The following MAD1L1 variants were observed in gnomAD, a reference collection of about 807,000 sequenced individuals.
The protein encoded by MAD1L1 is mitotic arrest deficient 1 like 1, also known as mitotic spindle assembly checkpoint protein MAD1.
A neutral mutation model predicts 96.9 loss-of-function variants in MAD1L1; 95 were observed. The observed-to-expected ratio is 0.98, with a 90% CI of 0.83 to 1.16. MAD1L1 has a LOEUF of 1.16. Ranked by LOEUF, MAD1L1 falls within the 50% of genes most tolerant of loss-of-function variation. The probability of loss-of-function intolerance (pLI) is 0.00; values close to 1 mark genes in which losing one functional copy is unlikely to be tolerated. For missense variants in MAD1L1, 1,007 were observed against 954.4 expected (o/e 1.06, Z -0.73); for synonymous variants, 473 against 396.6 (o/e 1.19, Z -2.29).
chr7:2,046,294 A>G (rs1299909131), intron 12 of MAD1L1, among the ~76,000 whole-genome samples: 1 of 152,136 alleles, frequency 6.6e-6, no homozygotes, highest in Non-Finnish European at 1.5e-5. Flanking sequence ...TCGCCTTTCA[A>G]TGTGCACAGA....
chr7:2,212,958 C>G (rs1480510795), intron 10 of MAD1L1, among the ~76,000 whole-genome samples: 1 of 152,246 alleles, frequency 6.6e-6, no homozygotes, highest in Non-Finnish European at 1.5e-5. Context: ...CAGACGCCTG[C>G]CACTGGTTTG....
chr7:1,835,452 T>G (rs1008693765), intron 18 of MAD1L1, among the ~76,000 whole-genome samples: 1 of 152,242 alleles, frequency 6.6e-6, no homozygotes, highest in African/African-American at 2.4e-5. Context: ...AACTAACACA[T>G]GAGTTTAGCG....
At chr7:1,833,448 T>C (rs4721090) in intron 18 of MAD1L1, among the ~76,000 whole-genome samples, 57,539 of 152,138 alleles carry the variant, frequency 0.38, 11,154 homozygotes, top group Admixed American at 0.45. Flanking sequence ...GAGATGTCAA[T>C]ATTCATCTAT....
chr7:1,917,425 C>G (rs549666787), intron 17 of MAD1L1, among the ~76,000 whole-genome samples: 2 of 152,270 alleles, frequency 1.3e-5, no homozygotes, highest in Admixed American at 1.3e-4. Context: ...GGGTGAAGGG[C>G]GCACCTCCCC....
intron 12 of MAD1L1, among the ~76,000 whole-genome samples, chr7:2,063,708 G>A (rs1562651557): frequency 6.6e-6 from 1 of 152,192 alleles, no homozygotes; most frequent in African/African-American, 2.4e-5. Flanking sequence ...GCCTGGGCAC[G>A]GTGCCAGCGA....
intron 16 of MAD1L1, among the ~76,000 whole-genome samples, chr7:1,944,178 A>T (rs1779123645): frequency 6.6e-6 from 1 of 152,210 alleles, no homozygotes; most frequent in South Asian, 2.1e-4. Flanking sequence ...CCACAGAGGC[A>T]CGCAGTAGCC....
At chr7:1,959,790 C>T (rs1336642997) in intron 15 of MAD1L1, among the ~76,000 whole-genome samples, 1 of 152,138 alleles carries the variant, frequency 6.6e-6, no homozygotes, top group African/African-American at 2.4e-5. Context: ...ACAGAAATGT[C>T]AGGTAAGGCC....
intron 18 of MAD1L1, among the ~76,000 whole-genome samples, chr7:1,881,316 T>C (rs2128664159): frequency 6.6e-6 from 1 of 152,312 alleles, no homozygotes; most frequent in African/African-American, 2.4e-5. Flanking sequence ...TATATCCTGG[T>C]GTTCAAGGTC....
At chr7:2,125,250 G>A (rs1469290883) in intron 11 of MAD1L1, among the ~76,000 whole-genome samples, 2 of 152,272 alleles carry the variant, frequency 1.3e-5, no homozygotes, top group African/African-American at 4.8e-5. Context: ...AAGGGTGGGG[G>A]CGGCGCCACG....
At chr7:1,881,708 G>A (rs58666879) in intron 18 of MAD1L1, among the ~76,000 whole-genome samples, 254 of 152,278 alleles carry the variant, frequency 1.7e-3, no homozygotes, top group African/African-American at 5.7e-3. Context: ...GAAACAAAAC[G>A]ATCTGTCACA....
chr7:2,133,299 C>A (rs1445911906), intron 11 of MAD1L1, among the ~76,000 whole-genome samples: 2 of 150,964 alleles, frequency 1.3e-5, no homozygotes, highest in African/African-American at 4.9e-5. Flanking sequence ...CACCCATTTT[C>A]AATGCTGAGC....
At chr7:2,135,102 G>C (rs1397204852) in intron 11 of MAD1L1, among the ~76,000 whole-genome samples, 1 of 152,160 alleles carries the variant, frequency 6.6e-6, no homozygotes, top group South Asian at 2.1e-4. Context: ...ACCCAGAAAG[G>C]TAAGACTAGC....
chr7:2,165,246 T>C (rs1279868737), intron 10 of MAD1L1, among the ~76,000 whole-genome samples: 1 of 151,686 alleles, frequency 6.6e-6, no homozygotes, highest in Non-Finnish European at 1.5e-5. Context: ...GGGAAGAATT[T>C]ATAGGAAGTT....
intron 18 of MAD1L1, among the ~76,000 whole-genome samples, chr7:1,843,383 C>T (rs975439618): frequency 3.3e-5 from 5 of 152,152 alleles, no homozygotes; most frequent in Admixed American, 2.0e-4. Context: ...CCAGGGAGGC[C>T]GCAATGAAGG....
chr7:2,196,128 G>A (rs1396496919), intron 10 of MAD1L1, among the ~76,000 whole-genome samples: 1 of 152,212 alleles, frequency 6.6e-6, no homozygotes, highest in East Asian at 1.9e-4. Context: ...CAAATTCACT[G>A]GATGCCCTTG....
chr7:2,052,656 C>T (rs568637979), intron 12 of MAD1L1, among the ~76,000 whole-genome samples: 26 of 152,284 alleles, frequency 1.7e-4, no homozygotes, highest in African/African-American at 6.0e-4. Context: ...CATACCTATC[C>T]TTTTTAAACA....
intron 17 of MAD1L1, among the ~76,000 whole-genome samples, chr7:1,915,210 T>C (rs1462453822): frequency 6.6e-6 from 1 of 152,114 alleles, no homozygotes; most frequent in South Asian, 2.1e-4. Context: ...CCTGCCCTAA[T>C]GGATGTTGCT....
At chr7:2,017,231 C>G (rs1782583364) in intron 12 of MAD1L1, among the ~76,000 whole-genome samples, 1 of 152,360 alleles carries the variant, frequency 6.6e-6, no homozygotes, top group South Asian at 2.1e-4. Flanking sequence ...ATTTCCACCT[C>G]AGCAAATGCG....
At chr7:2,172,895 C>A (rs1790775995) in intron 10 of MAD1L1, among the ~76,000 whole-genome samples, 1 of 152,210 alleles carries the variant, frequency 6.6e-6, no homozygotes. Context: ...GCGTGCACAC[C>A]GCGGTCTGTG....
Sources: gnomAD v4.1 joint callset for allele counts (sites outside exome capture counted in the v4.1 genomes callset) on GRCh38, gnomAD v4.1.1 for gene constraint, MANE v1.5 for transcripts, NCBI Gene and HGNC (gene_info 2026-07-23, HGNC 2026-07-21) for gene names.